Variants in SGCG observed in about 807,000 individuals in gnomAD.
SGCG encodes the protein gamma-sarcoglycan.
Under a neutral mutation model 29.3 loss-of-function variants are expected in SGCG, and 26 were observed. That is an observed-to-expected ratio of 0.89 (90% CI 0.65 to 1.23). The LOEUF (loss-of-function observed/expected upper bound fraction) is 1.23, where lower values mean the gene tolerates loss of function less well. Among genes scored for constraint, SGCG ranks in the 50% most tolerant of loss-of-function variants. The pLI is 0.00. For missense variants in SGCG, 353 were observed against 356.0 expected (o/e 0.99, Z 0.07); for synonymous variants, 145 against 129.7 (o/e 1.12, Z -0.80).
intron 6 of SGCG, among the ~76,000 whole-genome samples, chr13:23,319,176 T>C (rs1408947488): frequency 2.0e-5 from 3 of 151,726 alleles, no homozygotes; most frequent in Admixed American, 2.0e-4. Flanking sequence ...CGGGTGCCTG[T>C]AAACCTAGGT....
intron 2 of SGCG, among the ~76,000 whole-genome samples, chr13:23,223,880 C>T (rs535491743): frequency 3.9e-4 from 59 of 152,176 alleles, no homozygotes; most frequent in Non-Finnish European, 7.8e-4. Context: ...GCAAGAGAAT[C>T]GCTTGAACCC....
At chr13:23,307,792 A>G (rs1255609244) in intron 6 of SGCG, among the ~76,000 whole-genome samples, 1 of 152,222 alleles carries the variant, frequency 6.6e-6, no homozygotes, top group African/African-American at 2.4e-5. Context: ...ATTGTCATAA[A>G]TCATAAAGAA....
the SGCG span, among the ~76,000 whole-genome samples, chr13:23,172,628 A>T: frequency 6.6e-6 from 1 of 152,224 alleles, no homozygotes; most frequent in African/African-American, 2.4e-5. Context: ...ACTTAAGCAT[A>T]GAAAGTTTAT....
intron 6 of SGCG, among the ~76,000 whole-genome samples, chr13:23,316,579 G>C (rs1289458714): frequency 6.6e-6 from 1 of 152,180 alleles, no homozygotes. Flanking sequence ...TGTATGCTCT[G>C]AATCAGCGTC....
the SGCG span, among the ~76,000 whole-genome samples, chr13:23,166,313 AGTCTCCCGAGTAGCTG>A: frequency 6.6e-5 from 10 of 152,214 alleles, no homozygotes; most frequent in South Asian, 2.1e-4. Context: ...CTCCTGCCTC[AGTCTCCCGAGTAGCTG>A]GGACTACAGG....
chr13:23,282,434 G>T (rs1881342689), intron 5 of SGCG, among the ~76,000 whole-genome samples: 1 of 152,120 alleles, frequency 6.6e-6, no homozygotes, highest in Non-Finnish European at 1.5e-5. Context: ...CATCACCCAG[G>T]TATTAACCCA....
intron 4 of SGCG, among the ~76,000 whole-genome samples, chr13:23,269,874 G>GTTTTTTT (rs796558128): frequency 1.0e-5 from 1 of 97,510 alleles, no homozygotes. Flanking sequence ...TGTTTTTTTT[G>GTTTTTTT]TTTTTTTTGT....
At chr13:23,316,959 C>A (rs1882839148) in intron 6 of SGCG, among the ~76,000 whole-genome samples, 1 of 152,138 alleles carries the variant, frequency 6.6e-6, no homozygotes, top group Non-Finnish European at 1.5e-5. Context: ...GTAATCCCAG[C>A]ACTTTGGGAG....
At chr13:23,252,221 C>T (rs1315599552) in intron 4 of SGCG, among the ~76,000 whole-genome samples, 1 of 152,160 alleles carries the variant, frequency 6.6e-6, no homozygotes, top group Admixed American at 6.5e-5. Flanking sequence ...AAATCTTCAA[C>T]TGCCTATAGC....
At chr13:23,320,819 A>G (rs1883010263) in intron 7 of SGCG, 59 bp downstream of exon 7, 5 of 1,531,150 alleles carry the variant, frequency 3.3e-6, no homozygotes, top group Non-Finnish European at 4.5e-6. Context: ...CCTGAGTACC[A>G]TGTCTGTAAA....
intron 2 of SGCG, among the ~76,000 whole-genome samples, chr13:23,226,765 CAA>C (rs1432694748): frequency 4.6e-5 from 7 of 152,066 alleles, no homozygotes; most frequent in Admixed American, 4.6e-4. Context: ...GGAGGAAATG[CAA>C]AGTGTTCAGT....
intron 5 of SGCG, among the ~76,000 whole-genome samples, chr13:23,291,817 G>T (rs184846011): frequency 1.3e-5 from 2 of 152,298 alleles, no homozygotes; most frequent in African/African-American, 4.8e-5. Flanking sequence ...AATTGACGCT[G>T]CTGTGAAAGT....
chr13:23,222,169 T>C (rs1289392514), intron 2 of SGCG, among the ~76,000 whole-genome samples: 1 of 152,248 alleles, frequency 6.6e-6, no homozygotes, highest in Non-Finnish European at 1.5e-5. Flanking sequence ...TGTTGTCTTA[T>C]ATTTTTGAAG....
intron 4 of SGCG, chr13:23,268,214 T>A (rs1204728528): frequency 6.6e-6 from 1 of 152,346 alleles, no homozygotes; most frequent in Non-Finnish European, 1.5e-5. Flanking sequence ...CAGATCCTTC[T>A]GTCTGCTCCA....
intron 3 of SGCG, among the ~76,000 whole-genome samples, chr13:23,236,399 C>G (rs1022658915): frequency 6.6e-6 from 1 of 152,110 alleles, no homozygotes; most frequent in African/African-American, 2.4e-5. Flanking sequence ...CTCAGTTGGC[C>G]AGGCGTGGTG....
In SGCG at chr13:23,213,647, A is replaced by G. The variant is rs137968300; in HGVS notation, c.195+9758A>G. Among the ~76,000 whole-genome samples the G allele has an allele frequency of 5.2e-5, 8 of 152,382 alleles. No homozygotes were observed. The East Asian group carries it at 1.5e-3, about 29-fold the overall frequency. On this transcript the variant is annotated intron_variant, in intron 2 of 7. Transcript: ENST00000218867. Reference sequence around the variant, plus strand: ...TGAACACACTTTACAAATATATTTTATAAATAACATCAGATTGGACAGATT... The same window carrying G: ...TGAACACACTTTACAAATATATTTTGTAAATAACATCAGATTGGACAGATT...
intron 4 of SGCG, among the ~76,000 whole-genome samples, chr13:23,257,783 G>A (rs1880256721): frequency 6.6e-6 from 1 of 152,128 alleles, no homozygotes; most frequent in South Asian, 2.1e-4. Context: ...AGTTTTCCTA[G>A]CACCATTTAT....
chr13:23,205,263 A>T (rs1019869305), intron 2 of SGCG, among the ~76,000 whole-genome samples: 1 of 152,210 alleles, frequency 6.6e-6, no homozygotes, highest in Non-Finnish European at 1.5e-5. Context: ...GTTTTTGCAC[A>T]TCATATACAT....
intron 6 of SGCG, among the ~76,000 whole-genome samples, chr13:23,317,086 T>G (rs1341313128): frequency 6.6e-6 from 1 of 152,026 alleles, no homozygotes; most frequent in African/African-American, 2.4e-5. Flanking sequence ...TCCTAGCTAC[T>G]TGGGAGGCTG....
Sources: gnomAD v4.1 joint callset for allele counts (sites outside exome capture counted in the v4.1 genomes callset) on GRCh38, gnomAD v4.1.1 for gene constraint, MANE v1.5 for transcripts, NCBI Gene and HGNC (gene_info 2026-07-23, HGNC 2026-07-21) for gene names.